The following PIEZO2 variants were observed in gnomAD, a reference collection of about 807,000 sequenced individuals.
The protein encoded by PIEZO2 is piezo type mechanosensitive ion channel component 2.
In PIEZO2, 172 loss-of-function variants were observed where a neutral mutation model predicts 337.3. The observed-to-expected ratio is 0.51, with a 90% CI of 0.45 to 0.58. The LOEUF is 0.58. Among genes scored for constraint, PIEZO2 ranks in the 20% least tolerant of loss-of-function variants. PIEZO2 has a pLI of 0.00. For missense variants in PIEZO2, 3,028 were observed against 3,391.3 expected (o/e 0.89, Z 2.66); for synonymous variants, 1,251 against 1,228.5 (o/e 1.02, Z -0.38).
rs981539430 is a variant in PIEZO2 at position 10,786,454 on chromosome 18, A to T, written c.2318+582T>A. Among the ~76,000 whole-genome samples, 6 of 152,154 alleles carry T rather than the reference A, an allele frequency of 3.9e-5. No individual in the cohort carries two copies. The South Asian group carries it at 1.0e-3, about 26-fold the overall frequency. On this transcript the variant is annotated intron_variant, in intron 16 of 55. Coordinates refer to ENST00000674853, the MANE Select transcript of PIEZO2 (RefSeq NM_001378183.1). ...TCTAAGGGACAGAGACTTTTAAGGG[A>T]CTTCCCTTCTCAGCCACATCAATAT...
chr18:11,096,228 C>T lies in PIEZO2; in HGVS notation c.65-30006G>A, dbSNP rs1568369998. On this transcript the variant is annotated intron_variant, in intron 1 of 55. Coordinates refer to ENST00000674853, the MANE Select transcript of PIEZO2 (RefSeq NM_001378183.1). This position sits in a 1 kb window ranked among gnomAD's most constrained non-coding sequence, Gnocchi z 4.6. ...TGGGGTGAAGAAGCCATGAGAAGGA[C>T]CACGTGCCCTTTGCCAGACCAAGCC... 6.6e-6 allele frequency among the ~76,000 whole-genome samples: 1 copy of T among 152,218 alleles called. No individual in the cohort carries two copies. Among genetic ancestry groups the T allele is most frequent in the Non-Finnish European group, 1.5e-5 (1 of 68,050 alleles).
intron 36 of PIEZO2, among the ~76,000 whole-genome samples, chr18:10,722,957 A>ATT (rs36042609): frequency 0.055 from 4,635 of 84,318 alleles, 492 homozygotes; most frequent in Non-Finnish European, 0.075. Context: ...GGATGCAGTG[A>ATT]TTTTTTTTTT....
At chr18:10,820,984 A>T (rs1430867465) in intron 7 of PIEZO2, among the ~76,000 whole-genome samples, 1 of 152,076 alleles carries the variant, frequency 6.6e-6, no homozygotes, top group Non-Finnish European at 1.5e-5. Flanking sequence ...TTTCCCCGGG[A>T]GTTTTGCTTT....
rs11080482 is a variant in PIEZO2 at position 11,073,153 on chromosome 18, C to A, written c.65-6931G>T. Among the ~76,000 whole-genome samples the A allele has an allele frequency of 3.0e-3, 455 of 152,032 alleles. 3 individuals carry two copies. The highest frequency in any genetic ancestry group is 0.011 in the African/African-American group (439 of 41,450). ...TCACAACCTTCTAGTTACCATTATT[C>A]ATAGCAAAGTCCAACAAGCTATGGA... is the stretch of plus-strand genomic sequence containing the variant. On this transcript the variant is annotated intron_variant, in intron 1 of 55. Coordinates refer to ENST00000674853, the MANE Select transcript of PIEZO2 (RefSeq NM_001378183.1).
chr18:11,123,894 T>G (rs1040143172), intron 1 of PIEZO2, among the ~76,000 whole-genome samples: 2 of 151,716 alleles, frequency 1.3e-5, no homozygotes, highest in African/African-American at 4.8e-5. Context: ...AAACTAAGAT[T>G]GCTGAAAGAG....
chr18:10,916,534 G>C (rs1485880390), intron 3 of PIEZO2, among the ~76,000 whole-genome samples: 1 of 152,176 alleles, frequency 6.6e-6, no homozygotes, highest in Non-Finnish European at 1.5e-5. Flanking sequence ...CGAGTGCTAA[G>C]CCCCTCACTG....
Position 10,696,701 on chromosome 18 carries a change from C to A in PIEZO2, c.6828-162G>T, listed in dbSNP as rs1044798844. ...AGGATAGTCCCGCTGTGGACAGCTC[C>A]TGTTCTAACGGAGAGCGTATACACA... On this transcript the variant is annotated intron_variant, in intron 45 of 55. Coordinates refer to ENST00000674853, the MANE Select transcript of PIEZO2 (RefSeq NM_001378183.1). Among the ~76,000 whole-genome samples, 15 of 152,340 alleles carry A rather than the reference C, an allele frequency of 9.8e-5. No homozygotes were observed. In the South Asian group the frequency reaches 2.9e-3, roughly 29 times the overall value.
intron 1 of PIEZO2, among the ~76,000 whole-genome samples, chr18:11,108,077 T>A (rs1222027665): frequency 6.6e-6 from 1 of 152,160 alleles, no homozygotes; most frequent in Non-Finnish European, 1.5e-5. Context: ...AGAGTTAGGG[T>A]GACTTATTTA....
At position 11,000,275 on chromosome 18, in the gene PIEZO2, T is replaced by A. The variant is rs7233069; in HGVS notation, c.161-20615A>T. Among the ~76,000 whole-genome samples the A allele has an allele frequency of 1.4e-4, 21 of 152,308 alleles. No individual in the cohort carries two copies. In the South Asian group the frequency reaches 4.1e-3, roughly 30 times the overall value. On this transcript the variant is annotated intron_variant, in intron 2 of 55. Coordinates refer to ENST00000674853, the MANE Select transcript of PIEZO2 (RefSeq NM_001378183.1). The stretch of plus-strand genomic sequence containing the variant: ...TGTGCCCCACCTCTAAATCCTTCCT[T>A]GCAAAAGCTCAATTTTCTATTTCCA...
intron 2 of PIEZO2, among the ~76,000 whole-genome samples, chr18:10,987,404 A>ATCT: frequency 6.6e-6 from 1 of 152,120 alleles, no homozygotes; most frequent in Non-Finnish European, 1.5e-5. Context: ...AAGTTAACCC[A>ATCT]CAAATGTATA....
chr18:10,782,296 T>C lies in PIEZO2; in HGVS notation c.2493-1930A>G, dbSNP rs562034991. Among the ~76,000 whole-genome samples the C allele has an allele frequency of 1.5e-3, 167 of 112,056 alleles. 4 individuals carry two copies. Among genetic ancestry groups the C allele is most frequent in the African/African-American group, 5.7e-3 (159 of 27,802 alleles). The allele number at this position is 112,056 out of a possible 152,430, so 73.5% of individuals were successfully genotyped here. A position where few individuals can be genotyped will look rare whatever the true frequency, so the allele number is the denominator to read the frequency against. Reference sequence around the variant, plus strand: ...AACAATTATATAATATAATTATAATTATATATAAATAATTATATAATATAT... The same window carrying C: ...AACAATTATATAATATAATTATAATCATATATAAATAATTATATAATATAT... On this transcript the variant is annotated intron_variant, in intron 17 of 55. Transcript: ENST00000674853.
At position 10,677,781 on chromosome 18, in the gene PIEZO2, C is replaced by A. The variant is rs575144358; in HGVS notation, c.8047G>T (p.Ala2683Ser). 6.2e-7 allele frequency: 1 copy of A among 1,610,912 alleles called. No homozygotes were observed. The highest frequency in any genetic ancestry group is 8.5e-7 in the Non-Finnish European group (1 of 1,179,332). The change falls in exon 53 of 56, where the codon GCA becomes TCA. Residue 2683 changes from alanine to serine, a missense_variant. Coordinates refer to ENST00000674853, the MANE Select transcript of PIEZO2 (RefSeq NM_001378183.1). This position sits in a 1 kb window ranked among gnomAD's most constrained non-coding sequence, Gnocchi z 4.1. ...TTTGAACTTTCTGTGCTGTTGCCTG[C>A]TATCATTTTAGCGATATTCTTTCGA... ...ITRKNIAKMI[A>S]GNSTESSKTP... is the part of the protein sequence containing the mutation.
intron 2 of PIEZO2, among the ~76,000 whole-genome samples, chr18:11,059,038 C>T (rs1408204647): frequency 2.0e-5 from 3 of 152,292 alleles, no homozygotes; most frequent in Admixed American, 2.0e-4. Flanking sequence ...GGGAAGCCCA[C>T]CAGACTAACA....
At position 10,759,974 on chromosome 18, in the gene PIEZO2, G is replaced by A. The variant is rs891360157; in HGVS notation, c.3451-65C>T. 1 of 1,407,716 alleles carries A rather than the reference G, an allele frequency of 7.1e-7. No homozygotes were observed. The highest frequency in any genetic ancestry group is 1.4e-5 in the African/African-American group (1 of 70,318). 87.2% of individuals were successfully genotyped at this position (1,407,716 alleles called of 1,614,324 possible). On this transcript the variant is annotated intron_variant, in intron 24 of 55. Transcript: ENST00000674853. This position sits in a 1 kb window ranked among gnomAD's most constrained non-coding sequence, Gnocchi z 5.5. ...CATATGGGAAAGGGGACTGGTGATA[G>A]GTGTCAGGTCTGTGTAGATGGCGGA...
intron 47 of PIEZO2, among the ~76,000 whole-genome samples, chr18:10,691,759 AT>A (rs1245011540): frequency 8.5e-6 from 1 of 117,436 alleles, no homozygotes; most frequent in Non-Finnish European, 1.7e-5. Context: ...TATATTAAAA[AT>A]ATATATAAAC....
chr18:10,947,188 TA>T (rs1441643526), intron 3 of PIEZO2, among the ~76,000 whole-genome samples: 1 of 151,846 alleles, frequency 6.6e-6, no homozygotes, highest in Non-Finnish European at 1.5e-5. Context: ...GAAAATAAAC[TA>T]AAATAAATAA....
In PIEZO2 at chr18:10,765,368, T is replaced by A. The variant is rs567550633; in HGVS notation, c.2947-2270A>T. ...AAAACCCATCCAGCGTCTTAGAGTG[T>A]CCAGGAATGGCAAAGGTGAAGTGGT... On this transcript the variant is annotated intron_variant, in intron 21 of 55. Transcript: ENST00000674853. Among the ~76,000 whole-genome samples the A allele has an allele frequency of 3.3e-5, 5 of 152,232 alleles. No homozygotes were observed. In the East Asian group the frequency reaches 7.7e-4, roughly 24 times the overall value.
chr18:10,697,228 C>T (rs373505845), intron 45 of PIEZO2, among the ~76,000 whole-genome samples: 6 of 152,212 alleles, frequency 3.9e-5, no homozygotes, highest in African/African-American at 1.2e-4. Context: ...ACTGGCTCTC[C>T]TGCTCTCAGA....
rs545249283 is a variant in PIEZO2 at position 10,833,249 on chromosome 18, C to T, written c.917+22104G>A. ...GACAGAAGCCCAGGGTAACAGGTAC[C>T]CTGGGTGCGTCAGTGGCAGCACAGA... is the stretch of plus-strand genomic sequence containing the variant. On this transcript the variant is annotated intron_variant, in intron 7 of 55. Transcript: ENST00000674853. The surrounding 1 kb of genome is among the most constrained non-coding windows in gnomAD (Gnocchi z 4.7). Among the ~76,000 whole-genome samples the T allele has an allele frequency of 1.3e-5, 2 of 152,208 alleles. No homozygotes were observed. Among genetic ancestry groups the T allele is most frequent in the East Asian group, 1.9e-4 (1 of 5,168 alleles).
Sources: gnomAD v4.1 joint callset for allele counts (sites outside exome capture counted in the v4.1 genomes callset) on GRCh38, gnomAD v4.1.1 for gene constraint, Gnocchi (gnomAD v3.1) non-coding constraint, MANE v1.5 for transcripts, NCBI Gene and HGNC (gene_info 2026-07-23, HGNC 2026-07-21) for gene names.